KIR3DL2: variants seen among roughly 807,000 people sequenced by gnomAD.
KIR3DL2 encodes the protein killer cell immunoglobulin-like receptor 3DL2.
Under a neutral mutation model 41.6 loss-of-function variants are expected in KIR3DL2, and 42 were observed. The observed-to-expected ratio is 1.01, with a 90% CI of 0.79 to 1.31. The LOEUF is 1.31. Among genes scored for constraint, KIR3DL2 ranks in the 50% most tolerant of loss-of-function variants. The pLI is 0.00. For missense variants in KIR3DL2, 728 were observed against 576.8 expected (o/e 1.26, Z -2.68); for synonymous variants, 230 against 221.3 (o/e 1.04, Z -0.35).
At chr19:54,851,459 G>A (rs1379177544) in intron 2 of KIR3DL2, among the ~76,000 whole-genome samples, 2 of 151,170 alleles carry the variant, frequency 1.3e-5, no homozygotes, top group East Asian at 3.9e-4. Flanking sequence ...GTGAGACTGG[G>A]GTGCTCCAAG....
At chr19:54,860,358 A>T (rs2065084745) in intron 6 of KIR3DL2, among the ~76,000 whole-genome samples, 1 of 151,986 alleles carries the variant, frequency 6.6e-6, no homozygotes. Context: ...CATGAAATCT[A>T]TTTATTTATG....
At chr19:54,856,121 C>T (rs1052428711) in intron 5 of KIR3DL2, among the ~76,000 whole-genome samples, 8 of 151,384 alleles carry the variant, frequency 5.3e-5, no homozygotes, top group Non-Finnish European at 1.2e-4. Context: ...GGGCTCCAGG[C>T]ACCCAGGCAG....
chr19:54,853,954 T>C lies in KIR3DL2; in HGVS notation c.563T>C (p.Val188Ala). ...ANFSIGPLMP[V>A]LAGTYRCYGS... Reference sequence around the variant, plus strand: ...TTCTCCATCGGTCCCTTGATGCCTGTCCTTGCAGGAACCTACAGATGTTAT... The same window carrying C: ...TTCTCCATCGGTCCCTTGATGCCTGCCCTTGCAGGAACCTACAGATGTTAT... The change falls in exon 4 of 9, where the codon GTC (valine) becomes GCC (alanine). Residue 188 changes from valine to alanine, a missense_variant. Physicochemically the swap from Val to Ala is moderately conservative, Grantham distance 64 (BLOSUM62 0). Transcript: ENST00000326321. 2.5e-6 allele frequency: 4 copies of C among 1,613,074 alleles called. No individual in the cohort carries two copies. The highest frequency in any genetic ancestry group is 3.4e-6 in the Non-Finnish European group (4 of 1,179,724).
chr19:54,866,296 G>T (rs1410696698), intron 7 of KIR3DL2, 74 bp from the exon 8 acceptor site: 3 of 1,499,596 alleles, frequency 2.0e-6, no homozygotes, highest in African/African-American at 1.4e-5. Flanking sequence ...TCCCCCTGTG[G>T]GTTGGTGTCT....
rs367902960 is a variant in KIR3DL2 at position 54,865,085 on chromosome 19, C to A, written c.1001-720C>A. Reference sequence around the variant, plus strand: ...AGCATGAAGCGTTGTTGAATTTTGTCAAAGGCCTTTTCTGCATCTATTGAG... The same window carrying A: ...AGCATGAAGCGTTGTTGAATTTTGTAAAAGGCCTTTTCTGCATCTATTGAG... On this transcript the variant is annotated intron_variant, in intron 6 of 8. Coordinates refer to ENST00000326321, the MANE Select transcript of KIR3DL2 (RefSeq NM_006737.4). Among the ~76,000 whole-genome samples the A allele has an allele frequency of 2.6e-5, 4 of 152,104 alleles. No homozygotes were observed. The East Asian group carries it at 5.8e-4, about 22-fold the overall frequency.
chr19:54,865,692 C>T, intron 6 of KIR3DL2, 113 bp from the exon 7 acceptor site: 1 of 860,000 alleles, frequency 1.2e-6, no homozygotes, highest in Non-Finnish European at 1.9e-6. Context: ...CGCCATCAGG[C>T]TGCTTGTCCT....
intron 3 of KIR3DL2, among the ~76,000 whole-genome samples, chr19:54,852,986 G>A (rs781005645): frequency 3.3e-5 from 5 of 149,966 alleles, no homozygotes; most frequent in South Asian, 2.1e-4. Flanking sequence ...TGGTGGGCAC[G>A]AGTAATCCAA....
At chr19:54,851,681 A>T (rs1422715069) in intron 2 of KIR3DL2, among the ~76,000 whole-genome samples, 1 of 151,772 alleles carries the variant, frequency 6.6e-6, no homozygotes, top group Non-Finnish European at 1.5e-5. Context: ...GAGGGGGCTC[A>T]GTTCATGAAT....
At position 54,855,856 on chromosome 19, in the gene KIR3DL2, G is replaced by A. The variant is rs113800142; in HGVS notation, c.893G>A (p.Arg298His). 0.08 allele frequency: 128,458 copies of A among 1,613,160 alleles called. 6,379 individuals carry two copies. The highest frequency in any genetic ancestry group is 0.14 in the South Asian group (12,821 of 91,052). The change falls in exon 5 of 9, where the codon CGT becomes CAT. Residue 298 changes from arginine to histidine, a missense_variant. Coordinates refer to ENST00000326321, the MANE Select transcript of KIR3DL2 (RefSeq NM_006737.4). ...ACCTACAGATGCTTCGGCTCTTTCC[G>A]TGCCCTGCCCTGCGTGTGGTCAAAC... The part of the protein sequence containing the change: ...GGTYRCFGSF[R>H]ALPCVWSNSS...
chr19:54,861,176 T>A (rs866863342), intron 6 of KIR3DL2, among the ~76,000 whole-genome samples: 1 of 146,078 alleles, frequency 6.8e-6, no homozygotes, highest in Non-Finnish European at 1.5e-5. Context: ...ATATAAGATA[T>A]GTTTGTGAGG....
Position 54,852,048 on chromosome 19 carries a change from C to T in KIR3DL2, c.121C>T (p.Arg41Ter), listed in dbSNP as rs998219100. 5.6e-6 allele frequency: 9 copies of T among 1,612,080 alleles called. No homozygotes were observed. Among genetic ancestry groups the T allele is most frequent in the South Asian group, 5.5e-5 (5 of 91,058 alleles). Residue 41 changes from arginine to a stop codon, truncating the protein, a stop_gained, in exon 3 of 9, where the codon CGA (arginine) becomes TGA (stop). Coordinates refer to ENST00000326321, the MANE Select transcript of KIR3DL2 (RefSeq NM_006737.4). LOFTEE classifies it high-confidence loss of function. The part of the protein sequence containing the change: ...LSARPSTVVP[R>*]GGHVALQCHY... ...TGCCCGGCCCAGCACTGTGGTGCCT[C>T]GAGGAGGACACGTGGCTCTTCAGTG... is the stretch of plus-strand genomic sequence containing the variant.
At chr19:54,855,567 G>T in intron 4 of KIR3DL2, 52 bp from the exon 5 acceptor site, 1 of 1,597,158 alleles carries the variant, frequency 6.3e-7, no homozygotes, top group Non-Finnish European at 8.5e-7. Flanking sequence ...GGTATGAGGG[G>T]AGCTGTGACA....
In KIR3DL2 at chr19:54,855,633, C is replaced by G. The variant is rs1437478750; in HGVS notation, c.670C>G (p.Pro224Ala). The G allele has an allele frequency of 3.5e-5, 56 of 1,613,014 alleles. No homozygotes were observed. The highest frequency in any genetic ancestry group is 4.5e-5 in the Non-Finnish European group (53 of 1,179,820). The change falls in exon 5 of 9, where the codon CCT (proline) becomes GCT (alanine). Residue 224 changes from proline (P) to alanine (A), a missense_variant. Transcript: ENST00000326321. ...TCTCCTTCCAGGTCTATATGAGAAACCTTCTCTCTCAGCCCAGCCGGGCCC... is the reference window on the plus strand; with the variant it reads ...TCTCCTTCCAGGTCTATATGAGAAAGCTTCTCTCTCAGCCCAGCCGGGCCC... ...DIVITGLYEK[P>A]SLSAQPGPTV... is the part of the protein sequence containing the mutation.
chr19:54,851,961 A>T (rs1298982202), intron 2 of KIR3DL2, 37 bp from the exon 3 acceptor site: 14 of 1,600,546 alleles, frequency 8.7e-6, no homozygotes, highest in Non-Finnish European at 1.2e-5. Flanking sequence ...GTGGCTCCAC[A>T]TCCTCCTCTC....
chr19:54,866,310 C>T (rs1176262491), intron 7 of KIR3DL2, 60 bp from the exon 8 acceptor site: 30 of 1,586,764 alleles, frequency 1.9e-5, no homozygotes, highest in Non-Finnish European at 2.4e-5. Flanking sequence ...GGTGTCTGCC[C>T]ATGAAATGAG....
At chr19:54,860,594 C>G (rs907861433) in intron 6 of KIR3DL2, among the ~76,000 whole-genome samples, 1 of 151,720 alleles carries the variant, frequency 6.6e-6, no homozygotes, top group Admixed American at 6.6e-5. Context: ...AGGCTGGTCT[C>G]AAATTCCCAA....
At position 54,866,630 on chromosome 19, in the gene KIR3DL2, A is replaced by G. The variant is rs943766214; in HGVS notation, c.1267A>G (p.Thr423Ala). ...TTCTCAGAGGCCCAAGACACCCCTA[A>G]CAGATACCAGCGTGTACACGGAACT... ...RPSQRPKTPL[T>A]DTSVYTELPN... Residue 423 changes from threonine to alanine, a missense_variant, in exon 9 of 9, where the codon ACA becomes GCA. Thr to Ala is a moderately conservative substitution (Grantham distance 58). Transcript: ENST00000326321. The G allele has an allele frequency of 1.2e-6, 2 of 1,613,818 alleles. No homozygotes were observed. Among genetic ancestry groups the G allele is most frequent in the Non-Finnish European group, 1.7e-6 (2 of 1,179,954 alleles).
In KIR3DL2 at chr19:54,855,857, T is replaced by A; in HGVS notation, c.894T>A (p.Arg298=). 6.2e-7 allele frequency: 1 copy of A among 1,613,288 alleles called. No homozygotes were observed. The highest frequency in any genetic ancestry group is 1.1e-5 in the South Asian group (1 of 91,048). Residue 298 remains arginine (R), a synonymous_variant, in exon 5 of 9, where the codon CGT becomes CGA. Transcript: ENST00000326321. ...CCTACAGATGCTTCGGCTCTTTCCG[T>A]GCCCTGCCCTGCGTGTGGTCAAACT... ...GGTYRCFGSF[R]ALPCVWSNSS...
Position 54,859,651 on chromosome 19 carries a change from G to C in KIR3DL2, c.1000+522G>C, listed in dbSNP as rs1286239470. 5.8e-3 allele frequency among the ~76,000 whole-genome samples: 882 copies of C among 151,702 alleles called. 24 individuals are homozygous for C. Among genetic ancestry groups the C allele is most frequent in the Admixed American group, 0.05 (765 of 15,196 alleles). ...CACAGCCCCATGCTCAGGCTGTGCA[G>C]TGTGGAAGCTTTTCCTATTGTTGCC... On this transcript the variant is annotated intron_variant, in intron 6 of 8. Transcript: ENST00000326321.
Sources: allele counts gnomAD v4.1 joint callset (sites outside exome capture counted in the v4.1 genomes callset), GRCh38; gene constraint gnomAD v4.1.1; transcripts MANE v1.5; gene names NCBI Gene and HGNC (gene_info 2026-07-23, HGNC 2026-07-21).